RAMP1: variants seen among roughly 807,000 people sequenced by gnomAD.
The protein encoded by RAMP1 is receptor activity-modifying protein 1.
RAMP1 carries 7 observed loss-of-function variants against 8.2 expected under a neutral mutation model. The observed-to-expected ratio is 0.85, with a 90% CI of 0.49 to 1.60. RAMP1 has a LOEUF of 1.60. Ranked by LOEUF, RAMP1 falls within the 40% of genes most tolerant of loss-of-function variation. The pLI, the probability that RAMP1 is intolerant of heterozygous loss-of-function variation, is 0.00. For synonymous variants in RAMP1, 92 were observed against 84.7 expected, an observed-to-expected ratio of 1.09 and a Z score of -0.47; for missense variants, 192 against 202.4, an observed-to-expected ratio of 0.95 and a Z score of 0.31.
chr2:237,881,848 T>G (rs539982737), intron 2 of RAMP1, among the ~76,000 whole-genome samples: 1 of 152,288 alleles, frequency 6.6e-6, no homozygotes, highest in South Asian at 2.1e-4. Flanking sequence ...GTCTTTCAAC[T>G]TTGTTTTTTT....
intron 2 of RAMP1, among the ~76,000 whole-genome samples, chr2:237,891,911 T>C (rs1282512930): frequency 6.6e-6 from 1 of 152,260 alleles, no homozygotes; most frequent in Non-Finnish European, 1.5e-5. Flanking sequence ...TTCCATGTAA[T>C]TATGCTGCCA....
chr2:237,887,189 G>A (rs2062443015), intron 2 of RAMP1, among the ~76,000 whole-genome samples: 2 of 152,204 alleles, frequency 1.3e-5, no homozygotes, highest in African/African-American at 2.4e-5. Flanking sequence ...GTAGAGGACA[G>A]AGCAGATGTC....
At chr2:237,888,204 C>G (rs1381085883) in intron 2 of RAMP1, among the ~76,000 whole-genome samples, 2 of 152,154 alleles carry the variant, frequency 1.3e-5, no homozygotes, top group East Asian at 3.9e-4. Context: ...CAGGTGCCTG[C>G]CACCATGCCT....
In RAMP1 at chr2:237,865,679, T is replaced by C. The variant is rs542436078; in HGVS notation, c.52+5952T>C. Among the ~76,000 whole-genome samples the C allele has an allele frequency of 8.4e-4, 128 of 152,244 alleles. No individual in the cohort carries two copies. The highest frequency in any genetic ancestry group is 2.9e-3 in the African/African-American group (122 of 41,528). ...AAAGAGGTATGGCCAAGAGAGGTGT[T>C]TCTGGCGGCAGCAGGGCCTGGCCTA... is the stretch of plus-strand genomic sequence containing the variant. On this transcript the variant is annotated intron_variant, in intron 1 of 2. Transcript: ENST00000254661. This position sits in a 1 kb window ranked among gnomAD's most constrained non-coding sequence, Gnocchi z 4.2.
intron 2 of RAMP1, among the ~76,000 whole-genome samples, chr2:237,889,747 C>T (rs1358958984): frequency 1.3e-5 from 2 of 152,236 alleles, no homozygotes; most frequent in African/African-American, 2.4e-5. Flanking sequence ...CCCACCTCAG[C>T]CTCCCAAATA....
At chr2:237,904,481 G>A (rs531556646) in intron 2 of RAMP1, among the ~76,000 whole-genome samples, 16 of 152,044 alleles carry the variant, frequency 1.1e-4, no homozygotes, top group Non-Finnish European at 1.9e-4. Flanking sequence ...GGTGGTGCAC[G>A]CCTGTAATCC....
chr2:237,885,214 G>T (rs1322640203), intron 2 of RAMP1, among the ~76,000 whole-genome samples: 1 of 151,946 alleles, frequency 6.6e-6, no homozygotes, highest in Non-Finnish European at 1.5e-5. Flanking sequence ...CTGAGAGGGA[G>T]GCTTCTTCTG....
rs1376166696 is a variant in RAMP1 at position 237,909,300 on chromosome 2, C to G, written c.192-2228C>G. 2.0e-5 allele frequency among the ~76,000 whole-genome samples: 3 copies of G among 152,332 alleles called. No individual in the cohort carries two copies. The East Asian group carries it at 5.8e-4, about 29-fold the overall frequency. On this transcript the variant is annotated intron_variant, in intron 2 of 2. Coordinates refer to ENST00000254661, the MANE Select transcript of RAMP1 (RefSeq NM_005855.4). Reference sequence around the variant, plus strand: ...TCCCAAACCTCCATTTCCCTGTCTACAAAACAATGGGTAACAGCGGTCCCC... The same window carrying G: ...TCCCAAACCTCCATTTCCCTGTCTAGAAAACAATGGGTAACAGCGGTCCCC...
intron 1 of RAMP1, chr2:237,860,038 CAGAAGGAAAAA>C: frequency 3.9e-6 from 1 of 255,528 alleles, no homozygotes; most frequent in Admixed American, 5.5e-5. Flanking sequence ...AACTAGTTTT[CAGAAGGAAAAA>C]CAGGACGCGG....
rs895325258 is a variant in RAMP1 at position 237,865,486 on chromosome 2, C to T, written c.52+5759C>T. On this transcript the variant is annotated intron_variant, in intron 1 of 2. Transcript: ENST00000254661. The surrounding 1 kb of genome is among the most constrained non-coding windows in gnomAD (Gnocchi z 4.2). ...AGCCTGTCTCATACAGTATCGGGAA[C>T]ATGCCTCAAAAACCACCGTTTCTCT... 1.5e-4 allele frequency among the ~76,000 whole-genome samples: 23 copies of T among 152,068 alleles called. No homozygotes were observed. Among genetic ancestry groups the T allele is most frequent in the Admixed American group, 3.9e-4 (6 of 15,276 alleles).
At position 237,911,753 on chromosome 2, in the gene RAMP1, G is replaced by T. The variant is rs774967838; in HGVS notation, c.417G>T (p.Trp139Cys). 4.3e-6 allele frequency: 7 copies of T among 1,611,616 alleles called. No individual in the cohort carries two copies. The highest frequency in any genetic ancestry group is 1.1e-5 in the South Asian group (1 of 90,562). ...TGCTGGTGACGGCACTGGTGGTCTGGCAGAGCAAGCGCACTGAGGGCATTG... is the reference window on the plus strand; with the variant it reads ...TGCTGGTGACGGCACTGGTGGTCTGTCAGAGCAAGCGCACTGAGGGCATTG... ...VTLLVTALVV[W>C]QSKRTEGIV Residue 139 changes from tryptophan to cysteine, a missense_variant, in exon 3 of 3, where the codon TGG becomes TGT. Trp to Cys is a radical substitution (Grantham distance 215). Coordinates refer to ENST00000254661, the MANE Select transcript of RAMP1 (RefSeq NM_005855.4).
chr2:237,899,619 T>C (rs1559951976), intron 2 of RAMP1, among the ~76,000 whole-genome samples: 1 of 152,204 alleles, frequency 6.6e-6, no homozygotes, highest in East Asian at 1.9e-4. Context: ...TTGTTAGCAT[T>C]GGGTAGGGGA....
intron 2 of RAMP1, among the ~76,000 whole-genome samples, chr2:237,886,106 A>G (rs2151013694): frequency 6.6e-6 from 1 of 152,300 alleles, no homozygotes; most frequent in South Asian, 2.1e-4. Flanking sequence ...CTGCGCAGGC[A>G]TCAGCCGGGG....
At chr2:237,870,188 T>C (rs1360312622) in intron 1 of RAMP1, among the ~76,000 whole-genome samples, 1 of 152,262 alleles carries the variant, frequency 6.6e-6, no homozygotes, top group African/African-American at 2.4e-5. Context: ...CGGAGTCACT[T>C]AGCTCTTTGA....
At chr2:237,887,256 G>T (rs1386790824) in intron 2 of RAMP1, among the ~76,000 whole-genome samples, 2 of 152,164 alleles carry the variant, frequency 1.3e-5, no homozygotes, top group African/African-American at 4.8e-5. Flanking sequence ...CATCTCCCAG[G>T]ATCTATCCAT....
chr2:237,908,569 C>G (rs112507364), intron 2 of RAMP1, among the ~76,000 whole-genome samples: 4 of 152,094 alleles, frequency 2.6e-5, no homozygotes, highest in African/African-American at 4.8e-5. Context: ...TCCCTCGTAG[C>G]TGGGATTACA....
chr2:237,868,710 G>A (rs1476433616), intron 1 of RAMP1, among the ~76,000 whole-genome samples: 1 of 151,842 alleles, frequency 6.6e-6, no homozygotes, highest in East Asian at 2.0e-4. Context: ...CTGCTTGGCA[G>A]CTTGGCTGGA....
At chr2:237,881,489 G>T (rs2062367053) in intron 2 of RAMP1, among the ~76,000 whole-genome samples, 1 of 152,226 alleles carries the variant, frequency 6.6e-6, no homozygotes, top group African/African-American at 2.4e-5. Context: ...GAATGTGTTA[G>T]GTTTTGCAAC....
intron 2 of RAMP1, among the ~76,000 whole-genome samples, chr2:237,884,170 C>T (rs2151012688): frequency 6.6e-6 from 1 of 152,238 alleles, no homozygotes; most frequent in South Asian, 2.1e-4. Context: ...GTGTCTTCCA[C>T]TCAGCTACAT....
Sources: gnomAD v4.1 joint callset for allele counts (sites outside exome capture counted in the v4.1 genomes callset) on GRCh38, gnomAD v4.1.1 for gene constraint, Gnocchi (gnomAD v3.1) non-coding constraint, MANE v1.5 for transcripts, NCBI Gene and HGNC (gene_info 2026-07-23, HGNC 2026-07-21) for gene names.